Variants in TMEM45B observed in about 807,000 individuals in gnomAD.
TMEM45B encodes transmembrane protein 45B.
In TMEM45B, 29 loss-of-function variants were observed where a neutral mutation model predicts 27.3. The observed-to-expected ratio is 1.06, with a 90% CI of 0.79 to 1.45. The LOEUF (loss-of-function observed/expected upper bound fraction) is 1.45, where lower values mean the gene tolerates loss of function less well. TMEM45B is among the 40% of genes most tolerant of loss of function. The pLI, the probability that TMEM45B is intolerant of heterozygous loss-of-function variation, is 0.00. For synonymous variants in TMEM45B, 143 were observed against 134.7 expected, an observed-to-expected ratio of 1.06 and a Z score of -0.43; for missense variants, 348 against 343.9, an observed-to-expected ratio of 1.01 and a Z score of -0.09.
intron 1 of TMEM45B, among the ~76,000 whole-genome samples, chr11:129,834,435 GA>G (rs35071607): frequency 0.9 from 132,932 of 147,584 alleles, 60,082 homozygotes; most frequent in East Asian, 0.99. Flanking sequence ...AGTCTCAAAG[GA>G]AAAAAAAAAA....
In TMEM45B at chr11:129,856,514, T is replaced by G. The variant is rs569422073; in HGVS notation, c.570+622T>G. ...GCGTGAGCCACTGCACCTGGACTTGTGTTTTTAAGTAAGCCTATACAACCA... is the reference window on the plus strand; with the variant it reads ...GCGTGAGCCACTGCACCTGGACTTGGGTTTTTAAGTAAGCCTATACAACCA... On this transcript the variant is annotated intron_variant, in intron 4 of 5. Transcript: ENST00000281441. Among the ~76,000 whole-genome samples the G allele has an allele frequency of 1.8e-3, 275 of 151,544 alleles. 1 individual carries two copies. Among genetic ancestry groups the G allele is most frequent in the African/African-American group, 5.9e-3 (244 of 41,354 alleles).
chr11:129,817,313 G>A (rs1313709251), intron 1 of TMEM45B, among the ~76,000 whole-genome samples: 1 of 152,206 alleles, frequency 6.6e-6, no homozygotes, highest in Non-Finnish European at 1.5e-5. Context: ...ATCAGGACAC[G>A]TGGTTAGGTA....
intron 1 of TMEM45B, among the ~76,000 whole-genome samples, chr11:129,846,530 C>T (rs931205661): frequency 6.6e-6 from 1 of 152,064 alleles, no homozygotes; most frequent in Non-Finnish European, 1.5e-5. Flanking sequence ...TGCATTCATT[C>T]ATTCCACAAG....
chr11:129,856,764 T>G (rs542355525), intron 4 of TMEM45B, among the ~76,000 whole-genome samples: 115 of 151,902 alleles, frequency 7.6e-4, no homozygotes, highest in African/African-American at 2.7e-3. Flanking sequence ...TTTCACCGTG[T>G]TAGCCAGGAT....
At chr11:129,825,905 G>A (rs1269159927) in intron 1 of TMEM45B, among the ~76,000 whole-genome samples, 1 of 152,104 alleles carries the variant, frequency 6.6e-6, no homozygotes, top group Non-Finnish European at 1.5e-5. Context: ...CGCCCAGAAA[G>A]AGAATTCTGA....
chr11:129,827,628 AC>A (rs966634894), intron 1 of TMEM45B, among the ~76,000 whole-genome samples: 2 of 150,972 alleles, frequency 1.3e-5, no homozygotes, highest in African/African-American at 4.9e-5. Context: ...ACATGGAGAA[AC>A]CCCGCCTCTA....
chr11:129,854,363 C>A (rs1947889902), intron 2 of TMEM45B, among the ~76,000 whole-genome samples: 1 of 152,122 alleles, frequency 6.6e-6, no homozygotes, highest in African/African-American at 2.4e-5. Context: ...TTCATTGATT[C>A]TTCTACCCTC....
At chr11:129,844,274 C>A (rs1947731335) in intron 1 of TMEM45B, among the ~76,000 whole-genome samples, 2 of 152,014 alleles carry the variant, frequency 1.3e-5, no homozygotes, top group South Asian at 4.1e-4. Flanking sequence ...GAATAGAATA[C>A]CTGTTACCAG....
intron 2 of TMEM45B, among the ~76,000 whole-genome samples, chr11:129,853,341 T>A (rs1244839078): frequency 6.6e-6 from 1 of 152,072 alleles, no homozygotes; most frequent in African/African-American, 2.4e-5. Context: ...GAATGAGGGG[T>A]CTTAATCTGC....
chr11:129,836,545 A>G (rs1947622312), intron 1 of TMEM45B, among the ~76,000 whole-genome samples: 1 of 152,164 alleles, frequency 6.6e-6, no homozygotes, highest in Non-Finnish European at 1.5e-5. Flanking sequence ...GTACCTCAGG[A>G]TGTGACTCTT....
chr11:129,817,204 G>C (rs1218637734), intron 1 of TMEM45B, among the ~76,000 whole-genome samples: 1 of 152,110 alleles, frequency 6.6e-6, no homozygotes, highest in Non-Finnish European at 1.5e-5. Context: ...TAATAGAAAG[G>C]ATGGCTTATT....
At position 129,859,031 on chromosome 11, in the gene TMEM45B, G is replaced by A. The variant is rs190352303; in HGVS notation, c.*346G>A. ...TGGAAGTGGCCTCATGGATGAATCC[G>A]GGGTATGAGCCCAGGAGAACGTGCT... On this transcript the variant is annotated 3_prime_UTR_variant, in exon 6 of 6. Transcript: ENST00000281441. 690 of 157,044 alleles carry A rather than the reference G, an allele frequency of 4.4e-3. 2 individuals carry two copies. The highest frequency in any genetic ancestry group is 9.6e-3 in the Middle Eastern group (3 of 312). The allele number at this position is 157,044 out of a possible 1,614,324, so 9.7% of individuals were successfully genotyped here.
At chr11:129,841,585 TTTTTTTG>T in intron 1 of TMEM45B, among the ~76,000 whole-genome samples, 1 of 106,146 alleles carries the variant, frequency 9.4e-6, no homozygotes, top group African/African-American at 3.5e-5. Flanking sequence ...TTTTCTTTTG[TTTTTTTG>T]TTTTTTTTTT....
intron 3 of TMEM45B, 42 bp from the exon 4 acceptor site, chr11:129,855,666 A>C: frequency 6.2e-7 from 1 of 1,609,116 alleles, no homozygotes; most frequent in South Asian, 1.1e-5. Context: ...TGATGGTGAA[A>C]GCCAAGCGTA....
intron 1 of TMEM45B, among the ~76,000 whole-genome samples, chr11:129,832,416 G>T (rs1240528464): frequency 6.6e-6 from 1 of 152,096 alleles, no homozygotes; most frequent in African/African-American, 2.4e-5. Context: ...CTATACCATG[G>T]ATGAATCTTG....
chr11:129,826,599 G>A (rs1400386907), intron 1 of TMEM45B, among the ~76,000 whole-genome samples: 1 of 148,918 alleles, frequency 6.7e-6, no homozygotes, highest in Non-Finnish European at 1.5e-5. Context: ...TCTTGCTCAA[G>A]GTCACAGAGT....
intron 1 of TMEM45B, among the ~76,000 whole-genome samples, chr11:129,836,843 G>A (rs944857577): frequency 6.6e-5 from 10 of 152,138 alleles, no homozygotes; most frequent in African/African-American, 2.4e-4. Context: ...CCATCAAAAG[G>A]ACTCAGTGGT....
chr11:129,830,164 T>C (rs1465323243), intron 1 of TMEM45B, among the ~76,000 whole-genome samples: 2 of 152,086 alleles, frequency 1.3e-5, no homozygotes, highest in East Asian at 1.9e-4. Flanking sequence ...CTTGTCTCTA[T>C]TAAAAATACA....
intron 1 of TMEM45B, among the ~76,000 whole-genome samples, chr11:129,850,882 C>T (rs1343260702): frequency 6.6e-6 from 1 of 152,198 alleles, no homozygotes; most frequent in African/African-American, 2.4e-5. Flanking sequence ...CACTTCAAAG[C>T]TGTTCCAGCT....
Sources: gnomAD v4.1 joint callset for allele counts (sites outside exome capture counted in the v4.1 genomes callset) on GRCh38, gnomAD v4.1.1 for gene constraint, MANE v1.5 for transcripts, NCBI Gene and HGNC (gene_info 2026-07-23, HGNC 2026-07-21) for gene names.